Variants in LOC400499 observed in about 807,000 individuals in gnomAD.
the LOC400499 span, chr16:11,442,164 T>C: frequency 6.6e-6 from 1 of 152,140 alleles, no homozygotes; most frequent in South Asian, 2.1e-4. Flanking sequence ...GGAAGAGAAA[T>C]AAGGGTCCAA....
the LOC400499 span, chr16:11,519,026 G>C: frequency 1.5e-5 from 6 of 398,716 alleles, no homozygotes; most frequent in Non-Finnish European, 2.7e-5. Flanking sequence ...CCGGGAACTC[G>C]CCAGCACCCC....
At chr16:11,461,634 G>T in the LOC400499 span, among the ~76,000 whole-genome samples, 1 of 152,218 alleles carries the variant, frequency 6.6e-6, no homozygotes, top group Non-Finnish European at 1.5e-5. Context: ...GACACAGAAG[G>T]TCAGCCAGAA....
the LOC400499 span, chr16:11,442,261 C>T: frequency 6.6e-6 from 1 of 152,258 alleles, no homozygotes; most frequent in Non-Finnish European, 1.5e-5. Flanking sequence ...CGCTCTGTCA[C>T]CCAGGCTGGA....
chr16:11,475,033 T>C, the LOC400499 span, among the ~76,000 whole-genome samples: 4 of 152,230 alleles, frequency 2.6e-5, no homozygotes, highest in Non-Finnish European at 5.9e-5. Context: ...CCTTATCTTA[T>C]GTAAAGTGTT....
At chr16:11,503,025 G>A in the LOC400499 span, among the ~76,000 whole-genome samples, 4 of 147,624 alleles carry the variant, frequency 2.7e-5, no homozygotes, top group East Asian at 2.0e-4. Context: ...GGGCTCCAGC[G>A]ATCCTCCCAC....
chr16:11,462,683 A>C, the LOC400499 span, among the ~76,000 whole-genome samples: 3 of 152,114 alleles, frequency 2.0e-5, no homozygotes, highest in Non-Finnish European at 2.9e-5. Context: ...CTGGCCTTCC[A>C]AAGTGTTAGG....
chr16:11,374,323 T>C, the LOC400499 span, among the ~76,000 whole-genome samples: 129 of 152,364 alleles, frequency 8.5e-4, no homozygotes, highest in East Asian at 0.023. Context: ...TATACATTTC[T>C]AGTGTAAAAA....
At chr16:11,510,342 T>C in the LOC400499 span, among the ~76,000 whole-genome samples, 49 of 151,886 alleles carry the variant, frequency 3.2e-4, 1 homozygote, top group African/African-American at 1.1e-3. Flanking sequence ...CTCAGACCTC[T>C]CCTTAGCCCC....
chr16:11,497,478 G>A, the LOC400499 span, among the ~76,000 whole-genome samples: 12,492 of 152,264 alleles, frequency 0.082, 745 homozygotes, highest in African/African-American at 0.17. Flanking sequence ...GGAGGTTCCC[G>A]CCTCTGACTG....
chr16:11,429,304 G>A, the LOC400499 span, among the ~76,000 whole-genome samples: 6 of 152,098 alleles, frequency 3.9e-5, no homozygotes, highest in East Asian at 1.9e-4. Flanking sequence ...GCCCTGTGAC[G>A]TGCTGGCAGA....
At chr16:11,429,642 T>C in the LOC400499 span, among the ~76,000 whole-genome samples, 1 of 152,026 alleles carries the variant, frequency 6.6e-6, no homozygotes, top group Admixed American at 6.5e-5. Flanking sequence ...CCTGGCTAAT[T>C]TTTGTGTTTT....
At chr16:11,491,099 C>T in the LOC400499 span, among the ~76,000 whole-genome samples, 7 of 152,242 alleles carry the variant, frequency 4.6e-5, no homozygotes, top group African/African-American at 1.2e-4. Flanking sequence ...CCCTATTTTA[C>T]AGGTACAGAA....
the LOC400499 span, chr16:11,425,202 C>G: frequency 1.5e-5 from 6 of 398,930 alleles, no homozygotes; most frequent in African/African-American, 1.2e-4. Flanking sequence ...GGAGCAGGCG[C>G]CACCCAGAGC....
chr16:11,524,361 G>GCCCCCCCCCCC, the LOC400499 span, among the ~76,000 whole-genome samples: 43 of 93,732 alleles, frequency 4.6e-4, no homozygotes, highest in African/African-American at 1.1e-3. Flanking sequence ...CATCCACCCA[G>GCCCCCCCCCCC]CCACCCACCC....
the LOC400499 span, chr16:11,494,624 T>A: frequency 2.5e-6 from 1 of 399,060 alleles, no homozygotes; most frequent in Non-Finnish European, 4.4e-6. Flanking sequence ...ACCCAAGGCG[T>A]CTCCCAGGAT....
chr16:11,424,226 G>A, the LOC400499 span: 18 of 399,080 alleles, frequency 4.5e-5, no homozygotes, highest in Non-Finnish European at 7.1e-5. Flanking sequence ...CGGGGGTCAC[G>A]TCCTCCAGGC....
At chr16:11,510,101 T>C in the LOC400499 span, among the ~76,000 whole-genome samples, 1 of 151,704 alleles carries the variant, frequency 6.6e-6, no homozygotes, top group Non-Finnish European at 1.5e-5. Flanking sequence ...CCCTCTGCTC[T>C]ACACACAGCC....
chr16:11,446,498 C>A, the LOC400499 span: 1 of 1,503,176 alleles, frequency 6.7e-7, no homozygotes, highest in South Asian at 1.2e-5. Context: ...ATGACAGCAA[C>A]TTGAACCAGG....
the LOC400499 span, among the ~76,000 whole-genome samples, chr16:11,501,340 G>T: frequency 6.6e-6 from 1 of 152,004 alleles, no homozygotes; most frequent in African/African-American, 2.4e-5. Context: ...CGAATACTCA[G>T]CACAACATCA....
Sources: allele counts gnomAD v4.1 joint callset (sites outside exome capture counted in the v4.1 genomes callset), GRCh38; gene constraint gnomAD v4.1.1; transcripts MANE v1.5.